Variants in SCN8A observed in about 807,000 individuals in gnomAD.
The protein encoded by SCN8A is sodium voltage-gated channel alpha subunit 8.
SCN8A carries 30 observed loss-of-function variants against 184.1 expected under a neutral mutation model. The ratio of observed to expected loss-of-function variants is 0.16; its 90% confidence interval spans 0.12 to 0.22. The LOEUF is 0.22. Among genes scored for constraint, SCN8A ranks in the 10% least tolerant of loss-of-function variants. SCN8A has a pLI of 1.00. For synonymous variants in SCN8A, 852 were observed against 907.0 expected (o/e 0.94, Z 1.09); for missense variants, 1,057 against 2,498.9 (o/e 0.42, Z 12.30).
intron 11 of SCN8A, chr12:51,713,366 C>G (rs1941913374): frequency 2.0e-6 from 2 of 1,019,770 alleles, no homozygotes; most frequent in African/African-American, 3.1e-5. Flanking sequence ...GAATAAGTCA[C>G]AAAACCAAAG....
At chr12:51,661,520 A>C (rs766183005) in intron 1 of SCN8A, among the ~76,000 whole-genome samples, 1 of 152,146 alleles carries the variant, frequency 6.6e-6, no homozygotes, top group Non-Finnish European at 1.5e-5. Context: ...CAACTTATTT[A>C]GAGTTAACTC....
In SCN8A at chr12:51,669,292, C is replaced by G. The variant is rs565481130; in HGVS notation, c.276+6199C>G. 3.9e-5 allele frequency among the ~76,000 whole-genome samples: 6 copies of G among 152,112 alleles called. No individual in the cohort carries two copies. The South Asian group carries it at 1.2e-3, about 32-fold the overall frequency. ...GGGAATATAAAACCTTGTTTTAGTT[C>G]CGGCTTTGCTTCATGTTTGTACTTG... On this transcript the variant is annotated intron_variant, in intron 2 of 26. Coordinates refer to ENST00000627620, the MANE Select transcript of SCN8A (RefSeq NM_001330260.2).
intron 1 of SCN8A, among the ~76,000 whole-genome samples, chr12:51,603,649 A>G (rs531633883): frequency 1.8e-4 from 27 of 152,280 alleles, no homozygotes; most frequent in African/African-American, 3.4e-4. Flanking sequence ...CGCATTCCCA[A>G]CAGCAGTGTA....
At chr12:51,592,760 G>C (rs990162628) in intron 1 of SCN8A, among the ~76,000 whole-genome samples, 1 of 151,978 alleles carries the variant, frequency 6.6e-6, no homozygotes, top group Non-Finnish European at 1.5e-5. Context: ...TTTTATAACT[G>C]TTTTCCCAAG....
At chr12:51,724,319 C>T (rs1206756779) in intron 12 of SCN8A, among the ~76,000 whole-genome samples, 5 of 151,986 alleles carry the variant, frequency 3.3e-5, no homozygotes, top group African/African-American at 9.7e-5. Flanking sequence ...TGGTGGTATG[C>T]GCCTATAATC....
intron 1 of SCN8A, among the ~76,000 whole-genome samples, chr12:51,622,293 A>G (rs1939979446): frequency 6.6e-6 from 1 of 152,198 alleles, no homozygotes; most frequent in Non-Finnish European, 1.5e-5. Flanking sequence ...TAAGAAACCA[A>G]TGTTGGTACA....
At position 51,806,199 on chromosome 12, in the gene SCN8A, G is replaced by T. The variant is rs1296298718; in HGVS notation, c.4796-83G>T. 3 of 1,304,904 alleles carry T rather than the reference G, an allele frequency of 2.3e-6. No individual in the cohort carries two copies. The highest frequency in any genetic ancestry group is 2.4e-5 in the East Asian group (1 of 42,378). 80.8% of individuals were successfully genotyped at this position (1,304,904 alleles called of 1,614,324 possible). A position where few individuals can be genotyped will look rare whatever the true frequency, so the allele number is the denominator to read the frequency against. ...TCTGCAAAGCCCTTTGAACCTAAGG[G>T]TTCCACAATGCCAGGTAAAAAAAAT... On this transcript the variant is annotated intron_variant, in intron 26 of 26. Transcript: ENST00000627620. This position sits in a 1 kb window ranked among gnomAD's most constrained non-coding sequence, Gnocchi z 8.7.
At chr12:51,622,721 T>TG (rs1555209387) in intron 1 of SCN8A, among the ~76,000 whole-genome samples, 2 of 152,196 alleles carry the variant, frequency 1.3e-5, no homozygotes, top group Admixed American at 1.3e-4. Context: ...CTATTTTTTT[T>TG]CTCTTTCTAT....
chr12:51,765,188 G>A (rs1364436199), intron 15 of SCN8A, among the ~76,000 whole-genome samples: 1 of 151,654 alleles, frequency 6.6e-6, no homozygotes, highest in Non-Finnish European at 1.5e-5. Flanking sequence ...TTTTTAATCA[G>A]CCATTGATTA....
At chr12:51,715,331 A>G (rs1941947344) in intron 11 of SCN8A, among the ~76,000 whole-genome samples, 1 of 152,164 alleles carries the variant, frequency 6.6e-6, no homozygotes, top group Non-Finnish European at 1.5e-5. Context: ...CTTAAGGTTA[A>G]GAATAGTCTG....
chr12:51,703,017 T>G, intron 9 of SCN8A, 103 bp downstream of exon 9: 1 of 1,112,590 alleles, frequency 9.0e-7, no homozygotes. Context: ...TTATACAAGA[T>G]CTAACTGTTG....
chr12:51,647,576 TAGG>T (rs1305801155), intron 1 of SCN8A, among the ~76,000 whole-genome samples: 1 of 152,162 alleles, frequency 6.6e-6, no homozygotes, highest in Admixed American at 6.5e-5. Context: ...TGAGACCTGG[TAGG>T]AGGGAGAGCA....
chr12:51,674,403 G>A (rs1426355594), intron 2 of SCN8A, among the ~76,000 whole-genome samples: 1 of 152,080 alleles, frequency 6.6e-6, no homozygotes, highest in African/African-American at 2.4e-5. Flanking sequence ...CACAGTCTCG[G>A]CTCACTGCAA....
chr12:51,635,376 A>T (rs773118445), intron 1 of SCN8A, among the ~76,000 whole-genome samples: 1 of 152,202 alleles, frequency 6.6e-6, no homozygotes, highest in Non-Finnish European at 1.5e-5. Context: ...TTTAAGCTCC[A>T]CAAGGATGAG....
In SCN8A at chr12:51,808,184, C is replaced by T. The variant is rs1938773354; in HGVS notation, c.*755C>T. The T allele has an allele frequency of 6.5e-6, 1 of 153,136 alleles. No homozygotes were observed. The highest frequency in any genetic ancestry group is 1.5e-5 in the Non-Finnish European group (1 of 68,560). 9.5% of individuals were successfully genotyped at this position (153,136 alleles called of 1,614,324 possible). On this transcript the variant is annotated 3_prime_UTR_variant, in exon 27 of 27. Coordinates refer to ENST00000627620, the MANE Select transcript of SCN8A (RefSeq NM_001330260.2). The stretch of plus-strand genomic sequence containing the variant: ...GGTCAGCCTTTGGACAGGACCCAGC[C>T]CTGCACCGTTCACTGTATTTGGAGA...
chr12:51,781,209 A>T (rs534687638), intron 21 of SCN8A, among the ~76,000 whole-genome samples: 30 of 152,236 alleles, frequency 2.0e-4, no homozygotes, highest in Admixed American at 5.2e-4. Context: ...GGTCACTGAG[A>T]AAGCAGCTGA....
intron 12 of SCN8A, among the ~76,000 whole-genome samples, chr12:51,738,190 T>C (rs991399385): frequency 2.0e-5 from 3 of 152,208 alleles, no homozygotes; most frequent in Middle Eastern, 3.2e-3. Context: ...CCCCATTTCA[T>C]GAATCATATG....
At chr12:51,778,579 C>T (rs182323982) in intron 20 of SCN8A, among the ~76,000 whole-genome samples, 3 of 152,226 alleles carry the variant, frequency 2.0e-5, no homozygotes, top group African/African-American at 7.2e-5. Context: ...TAAATCGAAA[C>T]CTTTAAACCT....
chr12:51,748,790 A>G (rs1274572426), intron 13 of SCN8A, among the ~76,000 whole-genome samples: 2 of 152,090 alleles, frequency 1.3e-5, no homozygotes, highest in East Asian at 3.9e-4. Flanking sequence ...CAGTAACCTT[A>G]GTGAGGGTGG....
Sources: allele counts gnomAD v4.1 joint callset (sites outside exome capture counted in the v4.1 genomes callset), GRCh38; gene constraint gnomAD v4.1.1; non-coding constraint Gnocchi (gnomAD v3.1); transcripts MANE v1.5; gene names NCBI Gene and HGNC (gene_info 2026-07-23, HGNC 2026-07-21).